CGNL1: variants seen among roughly 807,000 people sequenced by gnomAD.
CGNL1 encodes the protein cingulin like 1, also known as cingulin-like protein 1.
In CGNL1, 132 loss-of-function variants were observed where a neutral mutation model predicts 141.2. The ratio of observed to expected loss-of-function variants is 0.93; its 90% CI spans 0.81 to 1.08. The LOEUF is 1.08. Ranked by LOEUF, CGNL1 falls within the 50% of genes least tolerant of loss-of-function variation. The probability of loss-of-function intolerance (pLI) is 0.00; values close to 1 mark genes in which losing one functional copy is unlikely to be tolerated. For missense variants in CGNL1, 1,870 were observed against 1,588.6 expected, an observed-to-expected ratio of 1.18 and a Z score of -3.01; for synonymous variants, 690 against 622.1, an observed-to-expected ratio of 1.11 and a Z score of -1.63.
In CGNL1 at chr15:57,506,407, G is replaced by A. The variant is rs141481489; in HGVS notation, c.2404-10373G>A. Reference sequence around the variant, plus strand: ...GTGGTGTCTTATAAATATGATGTGAGGCTCCTTTTATCTCCTGGAAACTGG... The same window carrying A: ...GTGGTGTCTTATAAATATGATGTGAAGCTCCTTTTATCTCCTGGAAACTGG... On this transcript the variant is annotated intron_variant, in intron 8 of 18. Transcript: ENST00000281282. Among the ~76,000 whole-genome samples, 413 of 152,260 alleles carry A rather than the reference G, an allele frequency of 2.7e-3. 1 individual carries two copies. Among genetic ancestry groups the A allele is most frequent in the African/African-American group, 9.5e-3 (395 of 41,534 alleles).
intron 1 of CGNL1, among the ~76,000 whole-genome samples, chr15:57,420,330 A>C (rs11857835): frequency 0.28 from 43,260 of 152,130 alleles, 6,629 homozygotes; most frequent in Non-Finnish European, 0.34. Context: ...AGATGTGTAC[A>C]CTAGCCTGTG....
intron 1 of CGNL1, among the ~76,000 whole-genome samples, chr15:57,423,730 C>T (rs1461220206): frequency 6.6e-6 from 1 of 152,206 alleles, no homozygotes; most frequent in Non-Finnish European, 1.5e-5. Context: ...CCCCTGGTCG[C>T]TCCTTCTCAG....
chr15:57,377,726 G>A (rs1259043599), intron 1 of CGNL1, among the ~76,000 whole-genome samples: 5 of 152,190 alleles, frequency 3.3e-5, no homozygotes, highest in Non-Finnish European at 7.3e-5. Flanking sequence ...TGGGAGTGTA[G>A]GCATTAGAAC....
chr15:57,489,852 A>C (rs1432448170), intron 8 of CGNL1, among the ~76,000 whole-genome samples: 1 of 151,950 alleles, frequency 6.6e-6, no homozygotes, highest in Non-Finnish European at 1.5e-5. Context: ...TATTAAGTTC[A>C]AGTTAGGATT....
At chr15:57,459,846 G>T (rs1483518371) in intron 7 of CGNL1, among the ~76,000 whole-genome samples, 1 of 152,180 alleles carries the variant, frequency 6.6e-6, no homozygotes, top group East Asian at 1.9e-4. Flanking sequence ...GAAGGAGCAT[G>T]ATGAATTCTC....
At chr15:57,394,973 A>G (rs151202858) in intron 1 of CGNL1, among the ~76,000 whole-genome samples, 9,501 of 152,138 alleles carry the variant, frequency 0.062, 532 homozygotes, top group African/African-American at 0.15. Flanking sequence ...TTAGCTGTGC[A>G]TGGTGGCATA....
At chr15:57,424,365 C>T (rs1443644494) in intron 1 of CGNL1, among the ~76,000 whole-genome samples, 1 of 152,204 alleles carries the variant, frequency 6.6e-6, no homozygotes, top group East Asian at 1.9e-4. Flanking sequence ...TCACCTACCC[C>T]AGTTCATTTT....
chr15:57,436,032 C>G (rs1705013460), intron 1 of CGNL1, among the ~76,000 whole-genome samples: 1 of 152,126 alleles, frequency 6.6e-6, no homozygotes, highest in African/African-American at 2.4e-5. Flanking sequence ...CAACAAAATA[C>G]TACATATGCA....
At chr15:57,402,055 A>G (rs1416383523) in intron 1 of CGNL1, 2 of 152,162 alleles carry the variant, frequency 1.3e-5, no homozygotes, top group African/African-American at 4.8e-5. Context: ...ATGAAGATGG[A>G]AGCCATGTGA....
chr15:57,445,887 C>T (rs533746711), intron 4 of CGNL1, among the ~76,000 whole-genome samples: 1 of 152,242 alleles, frequency 6.6e-6, no homozygotes, highest in South Asian at 2.1e-4. Flanking sequence ...AAAAAAGATC[C>T]ATTAATATTC....
chr15:57,389,348 A>G (rs1360774832), intron 1 of CGNL1, among the ~76,000 whole-genome samples: 1 of 152,254 alleles, frequency 6.6e-6, no homozygotes, highest in African/African-American at 2.4e-5. Context: ...TTTTAAGTGA[A>G]TAGTACATTT....
intron 1 of CGNL1, among the ~76,000 whole-genome samples, chr15:57,421,735 G>A (rs141275106): frequency 4.6e-5 from 7 of 152,162 alleles, no homozygotes; most frequent in East Asian, 3.9e-4. Context: ...TCTGGGTCCC[G>A]TCCCTGCTCT....
intron 18 of CGNL1, among the ~76,000 whole-genome samples, chr15:57,546,984 A>G (rs1314289181): frequency 6.6e-6 from 1 of 152,228 alleles, no homozygotes; most frequent in Non-Finnish European, 1.5e-5. Context: ...GGCACCAAAA[A>G]TCTCAATAAT....
intron 3 of CGNL1, among the ~76,000 whole-genome samples, chr15:57,442,052 A>G (rs1227790954): frequency 1.3e-5 from 2 of 152,138 alleles, no homozygotes; most frequent in African/African-American, 4.8e-5. Context: ...GAGCATTTGA[A>G]TCAAACAACA....
intron 1 of CGNL1, among the ~76,000 whole-genome samples, chr15:57,427,876 C>T (rs1047304339): frequency 6.6e-6 from 1 of 152,102 alleles, no homozygotes; most frequent in Admixed American, 6.5e-5. Context: ...GGAAAGCCCC[C>T]TTGAGGCTGT....
intron 8 of CGNL1, among the ~76,000 whole-genome samples, chr15:57,503,363 T>G (rs2064054084): frequency 6.6e-6 from 1 of 152,070 alleles, no homozygotes; most frequent in Non-Finnish European, 1.5e-5. Flanking sequence ...GTCCCCAAGG[T>G]CAGAGTACCC....
At chr15:57,500,273 G>C (rs2064004259) in intron 8 of CGNL1, among the ~76,000 whole-genome samples, 1 of 152,216 alleles carries the variant, frequency 6.6e-6, no homozygotes, top group Non-Finnish European at 1.5e-5. Context: ...CGGCCCGTGG[G>C]TTCCTGTGCA....
At chr15:57,464,100 C>T (rs2063480147) in intron 8 of CGNL1, among the ~76,000 whole-genome samples, 1 of 150,016 alleles carries the variant, frequency 6.7e-6, no homozygotes, top group African/African-American at 2.5e-5. Context: ...GAGGGAGTGA[C>T]AAACTCTAGT....
intron 1 of CGNL1, among the ~76,000 whole-genome samples, chr15:57,410,197 G>A (rs1333819621): frequency 6.6e-6 from 1 of 152,210 alleles, no homozygotes; most frequent in Non-Finnish European, 1.5e-5. Flanking sequence ...ACTCCGTCAG[G>A]ATCCTAGGTC....
Sources: gnomAD v4.1 joint callset for allele counts (sites outside exome capture counted in the v4.1 genomes callset) on GRCh38, gnomAD v4.1.1 for gene constraint, MANE v1.5 for transcripts, NCBI Gene and HGNC (gene_info 2026-07-23, HGNC 2026-07-21) for gene names.